The following NLRP13 variants were observed in gnomAD, a reference collection of about 807,000 sequenced individuals.
The protein encoded by NLRP13 is NACHT, LRR and PYD domains-containing protein 13.
NLRP13 carries 82 observed loss-of-function variants against 94.4 expected under a neutral mutation model. The observed-to-expected ratio is 0.87, with a 90% CI of 0.73 to 1.04. NLRP13 has a LOEUF of 1.04. Ranked by LOEUF, NLRP13 falls within the 50% of genes least tolerant of loss-of-function variation. The pLI is 0.00. For synonymous variants in NLRP13, 553 were observed against 464.7 expected, an observed-to-expected ratio of 1.19 and a Z score of -2.45; for missense variants, 1,426 against 1,230.8, an observed-to-expected ratio of 1.16 and a Z score of -2.37.
rs1235405684 is a variant in NLRP13 at position 55,910,541 on chromosome 19, G to C, written c.2282+22C>G. 1.9e-6 allele frequency: 3 copies of C among 1,560,988 alleles called. No individual in the cohort carries two copies. In the African/African-American group the frequency reaches 4.1e-5, roughly 21 times the overall value. The stretch of plus-strand genomic sequence containing the variant: ...AGATTCTCCTAGGGTATCTTCTTGA[G>C]CTGCTGGCGTCTCACACTTACGTCA... On this transcript the variant is annotated intron_variant, in intron 6 of 10. Transcript: ENST00000342929.
chr19:55,897,097 A>G (rs1164236772), intron 10 of NLRP13, among the ~76,000 whole-genome samples: 1 of 152,186 alleles, frequency 6.6e-6, no homozygotes, highest in Non-Finnish European at 1.5e-5. Flanking sequence ...TTTCCATCTT[A>G]TTCTAAATTC....
downstream of NLRP13, among the ~76,000 whole-genome samples, chr19:55,892,431 G>A (rs973806773): frequency 5.9e-5 from 9 of 151,598 alleles, no homozygotes; most frequent in Non-Finnish European, 7.4e-5. Context: ...ACACATATAC[G>A]TATTGTTTGA....
intron 7 of NLRP13, 71 bp downstream of exon 7, chr19:55,907,721 C>A: frequency 1.4e-6 from 2 of 1,451,218 alleles, no homozygotes; most frequent in South Asian, 1.2e-5. Flanking sequence ...TGTCAGCCCT[C>A]CCAGTGGATC....
chr19:55,915,749 G>T (rs1311954111), intron 4 of NLRP13, among the ~76,000 whole-genome samples: 1 of 152,122 alleles, frequency 6.6e-6, no homozygotes, highest in East Asian at 1.9e-4. Flanking sequence ...GGATAGGCTT[G>T]CCTTGTCCAG....
At position 55,898,852 on chromosome 19, in the gene NLRP13, A is replaced by C. The variant is rs1028594785; in HGVS notation, c.2875T>G (p.Leu959Val). ...TCATCCTGAAGATCATTTTCTCCCA[A>C]ATCCAAGATTTTCACATTATGATTA... ...SHNHNVKILD[L>V]GENDLQDDGV... Residue 959 changes from leucine (L) to valine (V), a missense_variant, in exon 10 of 11, where the codon TTG (leucine) becomes GTG (valine). Physicochemically the swap from Leu to Val is conservative, Grantham distance 32 (BLOSUM62 1). Coordinates refer to ENST00000342929, the MANE Select transcript of NLRP13 (RefSeq NM_176810.2). The C allele has an allele frequency of 6.2e-7, 1 of 1,613,898 alleles. No individual in the cohort carries two copies. The highest frequency in any genetic ancestry group is 1.3e-5 in the African/African-American group (1 of 74,912).
chr19:55,902,319 G>A (rs185793408), intron 8 of NLRP13, 114 bp from the exon 9 acceptor site: 2 of 841,030 alleles, frequency 2.4e-6, no homozygotes, highest in Non-Finnish European at 1.8e-6. Context: ...CTCCCTGGAC[G>A]ACAAGGTCTT....
At chr19:55,900,878 A>G (rs1244342846) in intron 9 of NLRP13, among the ~76,000 whole-genome samples, 6 of 152,080 alleles carry the variant, frequency 3.9e-5, no homozygotes, top group Admixed American at 2.0e-4. Context: ...GCCATAAATC[A>G]ATAATTGTTG....
chr19:55,908,663 A>C (rs1986421219), intron 6 of NLRP13, among the ~76,000 whole-genome samples: 1 of 152,192 alleles, frequency 6.6e-6, no homozygotes, highest in South Asian at 2.1e-4. Context: ...TTAGGAAGCT[A>C]ATGCAGGAAC....
At chr19:55,914,744 T>C (rs141376924) in intron 4 of NLRP13, among the ~76,000 whole-genome samples, 6 of 152,196 alleles carry the variant, frequency 3.9e-5, no homozygotes, top group Non-Finnish European at 5.9e-5. Context: ...ATTTCACAAA[T>C]GATAGAATTT....
At chr19:55,906,372 CAGACAGAAAGAA>C (rs1410751683) in intron 7 of NLRP13, among the ~76,000 whole-genome samples, 9 of 138,834 alleles carry the variant, frequency 6.5e-5, no homozygotes, top group Non-Finnish European at 1.2e-4. Context: ...GATAGACAGA[CAGACAGAAAGAA>C]AGACAGAAAG....
At chr19:55,913,721 A>G (rs303996) in intron 4 of NLRP13, among the ~76,000 whole-genome samples, 32,566 of 151,670 alleles carry the variant, frequency 0.21, 3,729 homozygotes, top group Non-Finnish European at 0.27. Context: ...TACACTGAGA[A>G]TGGAGAAGAA....
intron 9 of NLRP13, among the ~76,000 whole-genome samples, chr19:55,901,143 C>T (rs768503987): frequency 5.9e-5 from 9 of 152,194 alleles, no homozygotes; most frequent in Non-Finnish European, 1.2e-4. Context: ...GGAGAGCAAG[C>T]TTGGAGTCTT....
rs201242351 is a variant in NLRP13 at position 55,911,786 on chromosome 19, G to A, written c.2031C>T (p.Cys677=). 5 of 1,613,978 alleles carry A rather than the reference G, an allele frequency of 3.1e-6. No homozygotes were observed. The East Asian group carries it at 6.7e-5, about 22-fold the overall frequency. The part of the protein sequence containing the change: ...EDEELQASSF[C]LKHCKRLNKL... ...TATTTAACCTTTTACAGTGCTTTAG[G>A]CAAAATGAAGAAGCTTGGAGTTCTT... Residue 677 remains cysteine, a synonymous_variant, in exon 5 of 11, where the codon TGC becomes TGT. Coordinates refer to ENST00000342929, the MANE Select transcript of NLRP13 (RefSeq NM_176810.2).
chr19:55,900,607 T>TAAA (rs3073242), intron 9 of NLRP13, among the ~76,000 whole-genome samples: 3,966 of 148,658 alleles, frequency 0.027, 177 homozygotes, highest in African/African-American at 0.09. Context: ...CCATCTGTAC[T>TAAA]AAAAAAAAAA....
chr19:55,930,553 G>A (rs1407884467), intron 1 of NLRP13, among the ~76,000 whole-genome samples: 1 of 151,844 alleles, frequency 6.6e-6, no homozygotes, highest in Non-Finnish European at 1.5e-5. Context: ...GGGCATGGTG[G>A]CAGGTGCCTG....
Position 55,902,151 on chromosome 19 carries a change from G to A in NLRP13, c.2673C>T (p.Leu891=). The A allele has an allele frequency of 1.2e-6, 2 of 1,614,080 alleles. No individual in the cohort carries two copies. Among genetic ancestry groups the A allele is most frequent in the Non-Finnish European group, 1.7e-6 (2 of 1,179,974 alleles). The stretch of plus-strand genomic sequence containing the variant: ...GGTGTGTCAGGCTCCTGTTCTGCAG[G>A]AGAGCATCTGACAAGTGCTTGCAAG... ...APACKHLSDA[L]LQNRSLTHLN... is the part of the protein sequence containing the mutation. The change falls in exon 9 of 11, where the codon CTC becomes CTT. Residue 891 remains leucine, a synonymous_variant. Coordinates refer to ENST00000342929, the MANE Select transcript of NLRP13 (RefSeq NM_176810.2).
intron 7 of NLRP13, among the ~76,000 whole-genome samples, chr19:55,906,522 G>T (rs567909550): frequency 6.6e-6 from 1 of 152,038 alleles, no homozygotes; most frequent in Non-Finnish European, 1.5e-5. Context: ...TGAGAAGGCC[G>T]CAAGACTTAC....
chr19:55,908,290 C>G (rs1461401534), intron 6 of NLRP13, among the ~76,000 whole-genome samples: 1 of 152,134 alleles, frequency 6.6e-6, no homozygotes, highest in Non-Finnish European at 1.5e-5. Flanking sequence ...ACAATCCAAC[C>G]TAGAAAAGCC....
At chr19:55,928,256 C>T (rs968518323) in intron 1 of NLRP13, among the ~76,000 whole-genome samples, 7 of 152,266 alleles carry the variant, frequency 4.6e-5, no homozygotes, top group African/African-American at 9.6e-5. Context: ...TGCCGCCATT[C>T]GAAATCAGCA....
Sources: allele counts gnomAD v4.1 joint callset (sites outside exome capture counted in the v4.1 genomes callset), GRCh38; gene constraint gnomAD v4.1.1; transcripts MANE v1.5; gene names NCBI Gene and HGNC (gene_info 2026-07-23, HGNC 2026-07-21).